WDR17: variants seen among roughly 807,000 people sequenced by gnomAD.
WDR17 encodes WD repeat-containing protein 17.
In WDR17, 143 loss-of-function variants were observed where a neutral mutation model predicts 161.7. That is an observed-to-expected ratio of 0.88 (90% CI 0.77 to 1.02). The LOEUF (loss-of-function observed/expected upper bound fraction) is 1.02. Ranked by LOEUF, WDR17 falls within the 50% of genes least tolerant of loss-of-function variation. The probability of loss-of-function intolerance (pLI) is 0.00; values close to 1 mark genes in which losing one functional copy is unlikely to be tolerated. For synonymous variants in WDR17, 517 were observed against 515.6 expected (o/e 1.00, Z -0.04); for missense variants, 1,469 against 1,520.9 (o/e 0.97, Z 0.57).
Position 176,150,487 on chromosome 4 carries a change from AT to A in WDR17, c.2201del (p.Leu734TyrfsTer7). The part of the protein sequence containing the change: ...ECLSPPGGSD[N>X]LWNLVAVIKG... ...CTTTAGCCTCCAGGTGGCAGTGACA[AT>A]TTATGGAACTTGGTTGCTGTGATAA... On this transcript the variant is annotated frameshift_variant, in exon 16 of 29. Transcript: ENST00000508596. LOFTEE classifies it high-confidence loss of function. The A allele has an allele frequency of 6.2e-7, 1 of 1,608,806 alleles. No individual in the cohort carries two copies. The highest frequency in any genetic ancestry group is 8.5e-7 in the Non-Finnish European group (1 of 1,178,548).
Position 176,115,844 on chromosome 4 carries a change from C to G in WDR17, c.172C>G (p.His58Asp). Residue 58 changes from histidine to aspartate, a missense_variant, in exon 3 of 29, where the codon CAT becomes GAT. By Grantham distance (81) the His-to-Asp change is moderately conservative. Transcript: ENST00000508596. ...CAAACTTCACGCAATTATGTCTGAA[C>G]ATAAAAAAACAATCACAGCAATTTC... ...EFKLHAIMSE[H>D]KKTITAISWC... 1 of 1,610,682 alleles carries G rather than the reference C, an allele frequency of 6.2e-7. No individual in the cohort carries two copies. Among genetic ancestry groups the G allele is most frequent in the Non-Finnish European group, 8.5e-7 (1 of 1,178,018 alleles).
chr4:176,174,594 A>C, intron 25 of WDR17, 23 bp from the exon 26 acceptor site: 1 of 1,550,644 alleles, frequency 6.4e-7, no homozygotes, highest in Non-Finnish European at 8.8e-7. Context: ...GGAATTTATA[A>C]AAATAAATAT....
intron 1 of WDR17, among the ~76,000 whole-genome samples, chr4:176,090,892 C>G (rs1244879255): frequency 6.6e-6 from 1 of 152,208 alleles, no homozygotes; most frequent in Non-Finnish European, 1.5e-5. Context: ...AAGGGATGGG[C>G]TCTGGCTAGT....
At position 176,086,087 on chromosome 4, in the gene WDR17, C is replaced by A. The variant is rs1480201331; in HGVS notation, c.-7+20008C>A. Reference sequence around the variant, plus strand: ...TATTTAGAAATGCATTCTTTAATTTCTAGATAGTTGTGGATTTTGTAGTTT... The same window carrying A: ...TATTTAGAAATGCATTCTTTAATTTATAGATAGTTGTGGATTTTGTAGTTT... On this transcript the variant is annotated intron_variant, in intron 1 of 28. Transcript: ENST00000508596. 2.0e-5 allele frequency among the ~76,000 whole-genome samples: 3 copies of A among 151,914 alleles called. No homozygotes were observed. The East Asian group carries it at 5.8e-4, about 29-fold the overall frequency.
intron 15 of WDR17, 31 bp from the exon 16 acceptor site, chr4:176,150,437 A>T: frequency 6.3e-7 from 1 of 1,584,898 alleles, no homozygotes; most frequent in Middle Eastern, 1.7e-4. Flanking sequence ...TTAATTCACT[A>T]TTCCATATTT....
chr4:176,099,803 A>AT (rs563488961), intron 1 of WDR17, among the ~76,000 whole-genome samples: 7 of 151,524 alleles, frequency 4.6e-5, no homozygotes, highest in South Asian at 2.1e-4. Context: ...ATGTGTACAC[A>AT]TTTTTTTTAC....
chr4:176,106,036 A>G (rs1738661923), intron 1 of WDR17, among the ~76,000 whole-genome samples: 1 of 152,086 alleles, frequency 6.6e-6, no homozygotes, highest in Non-Finnish European at 1.5e-5. Context: ...ATAAGATAGT[A>G]GTAGGAACAA....
intron 2 of WDR17, among the ~76,000 whole-genome samples, chr4:176,112,131 G>A (rs1189190613): frequency 2.4e-4 from 36 of 152,162 alleles, no homozygotes; most frequent in Admixed American, 2.4e-3. Context: ...CCATAAGCAT[G>A]TTAAAATCAA....
intron 1 of WDR17, among the ~76,000 whole-genome samples, chr4:176,093,306 T>C (rs902606501): frequency 3.3e-5 from 5 of 152,172 alleles, no homozygotes; most frequent in African/African-American, 4.8e-5. Flanking sequence ...AAAATACCAA[T>C]GACATTCTTC....
chr4:176,141,142 T>A lies in WDR17; in HGVS notation c.1443-841T>A, dbSNP rs908752514. On this transcript the variant is annotated intron_variant, in intron 10 of 28. Coordinates refer to ENST00000508596, the MANE Select transcript of WDR17 (RefSeq NM_181265.4). ...GCACTGTGGTAATAATAGACTAGGA[T>A]AGTAGAGCTTTTATTTTTGCAGTTA... Among the ~76,000 whole-genome samples the A allele has an allele frequency of 1.4e-4, 21 of 151,996 alleles. No individual in the cohort carries two copies. The East Asian group carries it at 2.1e-3, about 15-fold the overall frequency.
intron 1 of WDR17, among the ~76,000 whole-genome samples, chr4:176,073,548 A>T (rs966447936): frequency 9.2e-5 from 14 of 151,820 alleles, no homozygotes; most frequent in South Asian, 6.3e-4. Context: ...TATTGTGAAT[A>T]GTGCCGCAAT....
At position 176,111,126 on chromosome 4, in the gene WDR17, A is replaced by G. The variant is rs141283488; in HGVS notation, c.-6-449A>G. The G allele has an allele frequency of 3.3e-3, 501 of 152,470 alleles. 1 individual carries two copies. Among genetic ancestry groups the G allele is most frequent in the Non-Finnish European group, 5.7e-3 (389 of 68,148 alleles). 9.4% of individuals were successfully genotyped at this position (152,470 alleles called of 1,614,324 possible). ...TACTGGTCCACAGTGTTTTAAATTT[A>G]AACGTGATGCCTTGAATGAATTGCC... On this transcript the variant is annotated intron_variant, in intron 1 of 28. Coordinates refer to ENST00000508596, the MANE Select transcript of WDR17 (RefSeq NM_181265.4).
intron 3 of WDR17, among the ~76,000 whole-genome samples, chr4:176,118,301 C>T (rs916740247): frequency 4.6e-5 from 7 of 152,102 alleles, no homozygotes; most frequent in East Asian, 1.9e-4. Context: ...AATATACAGT[C>T]GGAGAACCAG....
At chr4:176,119,737 T>C in intron 3 of WDR17, 130 bp from the exon 4 acceptor site, 1 of 834,458 alleles carries the variant, frequency 1.2e-6, no homozygotes, top group Non-Finnish European at 1.8e-6. Flanking sequence ...ATAAATCCAA[T>C]TCCCAAATAA....
At chr4:176,096,971 T>G (rs1391165179) in intron 1 of WDR17, among the ~76,000 whole-genome samples, 1 of 151,952 alleles carries the variant, frequency 6.6e-6, no homozygotes, top group African/African-American at 2.4e-5. Context: ...ATACTACTTA[T>G]TAAACAAATA....
chr4:176,159,637 C>G (rs1446487053), intron 18 of WDR17, among the ~76,000 whole-genome samples: 1 of 152,042 alleles, frequency 6.6e-6, no homozygotes, highest in Non-Finnish European at 1.5e-5. Flanking sequence ...ATGTAGATAC[C>G]CACATATTTG....
chr4:176,109,815 G>T (rs1739407223), intron 1 of WDR17, among the ~76,000 whole-genome samples: 1 of 152,130 alleles, frequency 6.6e-6, no homozygotes, highest in Non-Finnish European at 1.5e-5. Context: ...ATAAATTTAT[G>T]TGTGTAGGTT....
chr4:176,101,524 C>T (rs979687273), intron 1 of WDR17, among the ~76,000 whole-genome samples: 3 of 152,112 alleles, frequency 2.0e-5, no homozygotes, highest in African/African-American at 7.2e-5. Flanking sequence ...TAAAAAACTA[C>T]AATTAATTTG....
At chr4:176,076,233 A>ATAATG (rs1304230233) in intron 1 of WDR17, among the ~76,000 whole-genome samples, 4 of 32,938 alleles carry the variant, frequency 1.2e-4, no homozygotes, top group South Asian at 1.6e-3. Context: ...ATATATATAT[A>ATAATG]TATATATATA....
Sources: allele counts gnomAD v4.1 joint callset (sites outside exome capture counted in the v4.1 genomes callset), GRCh38; gene constraint gnomAD v4.1.1; transcripts MANE v1.5; gene names NCBI Gene and HGNC (gene_info 2026-07-23, HGNC 2026-07-21).